DMGDH: variants seen among roughly 807,000 people sequenced by gnomAD.
DMGDH encodes dimethylglycine dehydrogenase, mitochondrial.
Under a neutral mutation model 95.2 loss-of-function variants are expected in DMGDH, and 76 were observed. The ratio of observed to expected loss-of-function variants is 0.80; its 90% CI spans 0.66 to 0.97. The LOEUF (loss-of-function observed/expected upper bound fraction) is 0.97. DMGDH is among the 50% of genes least tolerant of loss of function. The probability of loss-of-function intolerance (pLI) is 0.00; values close to 1 mark genes in which losing one functional copy is unlikely to be tolerated. For missense variants in DMGDH, 987 were observed against 1,055.0 expected (o/e 0.94, Z 0.89); for synonymous variants, 345 against 377.6 (o/e 0.91, Z 1.00).
chr5:79,034,134 G>A (rs924631195), intron 7 of DMGDH, among the ~76,000 whole-genome samples: 3 of 152,116 alleles, frequency 2.0e-5, no homozygotes, highest in African/African-American at 7.2e-5. Context: ...TAGGAAACAC[G>A]GTGGGAGAAA....
At chr5:79,017,306 C>G (rs1469060259) in intron 14 of DMGDH, among the ~76,000 whole-genome samples, 1 of 151,654 alleles carries the variant, frequency 6.6e-6, no homozygotes, top group Non-Finnish European at 1.5e-5. Context: ...ATACAGAAAG[C>G]ACTTTAAAAA....
intron 4 of DMGDH, among the ~76,000 whole-genome samples, 198 bp from the exon 5 acceptor site, chr5:79,051,689 C>T (rs1175315468): frequency 1.3e-5 from 2 of 152,122 alleles, no homozygotes; most frequent in African/African-American, 2.4e-5. Context: ...AGAAATAAAC[C>T]TCTATCTTGT....
In DMGDH at chr5:79,063,658, G is replaced by T. The variant is rs921136174; in HGVS notation, c.231C>A (p.Val77=). The part of the protein sequence containing the change: ...HLAKAGMKDV[V]LLEKSELTAG... Reference sequence around the variant, plus strand: ...CCGTGAGCTCTGATTTCTCCAGCAGGACCACATCTTTCATCCCTGCTTTGG... The same window carrying T: ...CCGTGAGCTCTGATTTCTCCAGCAGTACCACATCTTTCATCCCTGCTTTGG... Residue 77 remains valine (V), a synonymous_variant, in exon 2 of 16, where the codon GTC becomes GTA. Coordinates refer to ENST00000255189, the MANE Select transcript of DMGDH (RefSeq NM_013391.3). The T allele has an allele frequency of 2.5e-6, 4 of 1,614,168 alleles. No individual in the cohort carries two copies. Among genetic ancestry groups the T allele is most frequent in the Non-Finnish European group, 3.4e-6 (4 of 1,180,036 alleles).
In DMGDH at chr5:79,032,766, A is replaced by G; in HGVS notation, c.1438T>C (p.Ser480Pro). ...GCATGGAACCCCATGGAACACTTAG[A>G]CTCCAGCCTTTGATAGAGCCCACTG... ...RVSGLYQRLE[S>P]KCSMGFHAGW... The change falls in exon 9 of 16, where the codon TCT becomes CCT. Residue 480 changes from serine (S) to proline (P), a missense_variant. By Grantham distance (74) the Ser-to-Pro change is moderately conservative. Transcript: ENST00000255189. The G allele has an allele frequency of 6.2e-7, 1 of 1,613,922 alleles. No individual in the cohort carries two copies. Among genetic ancestry groups the G allele is most frequent in the Non-Finnish European group, 8.5e-7 (1 of 1,179,984 alleles).
At position 79,005,334 on chromosome 5, in the gene DMGDH, A is replaced by G. The variant is rs201416183; in HGVS notation, c.2324T>C (p.Leu775Pro). ...ATCAACATCATCCGTTGCCAAGGTG[A>G]GGCAGACCAGTCTTCGTTTCAGCCC... Reference protein sequence around the residue: ...AKGLKRRLVCLTLATDDVDPE... With the variant: ...AKGLKRRLVCPTLATDDVDPE... The change falls in exon 15 of 16, where the codon CTC (leucine) becomes CCC (proline). Residue 775 changes from leucine to proline, a missense_variant. Physicochemically the swap from Leu to Pro is moderately conservative, Grantham distance 98. Transcript: ENST00000255189. 2.5e-5 allele frequency: 41 copies of G among 1,613,652 alleles called. No homozygotes were observed. The highest frequency in any genetic ancestry group is 3.3e-5 in the Non-Finnish European group (39 of 1,179,918).
intron 5 of DMGDH, among the ~76,000 whole-genome samples, chr5:79,049,653 C>T (rs1561225581): frequency 1.3e-5 from 2 of 152,122 alleles, no homozygotes; most frequent in African/African-American, 4.8e-5. Context: ...TATTTCATTG[C>T]CCTAAGTTTT....
intron 14 of DMGDH, among the ~76,000 whole-genome samples, chr5:79,015,474 T>C (rs1225060671): frequency 1.3e-5 from 2 of 152,186 alleles, no homozygotes; most frequent in Non-Finnish European, 1.5e-5. Flanking sequence ...CCAAATTCCT[T>C]AGCTTGGCAC....
chr5:79,069,429 G>C (rs1257279332), intron 1 of DMGDH, 91 bp downstream of exon 1: 7 of 649,358 alleles, frequency 1.1e-5, no homozygotes, highest in African/African-American at 1.9e-5. Context: ...TTGGAGGCCA[G>C]AGCGCTCCTA....
Position 79,042,248 on chromosome 5 carries a change from C to T in DMGDH, c.1193+35G>A, listed in dbSNP as rs139998671. 7.3e-4 allele frequency: 1,158 copies of T among 1,586,200 alleles called. 5 individuals are homozygous for T. Among genetic ancestry groups the T allele is most frequent in the Middle Eastern group, 4.5e-3 (27 of 6,004 alleles). On this transcript the variant is annotated intron_variant, in intron 7 of 15. Coordinates refer to ENST00000255189, the MANE Select transcript of DMGDH (RefSeq NM_013391.3). ...CTAGATTTAGCTAAAATAAGTGATT[C>T]TACAATAAATGTTGAATTACATGAA... is the stretch of plus-strand genomic sequence containing the variant.
chr5:79,006,830 A>G (rs1208306943), intron 14 of DMGDH, among the ~76,000 whole-genome samples: 1 of 141,208 alleles, frequency 7.1e-6, no homozygotes. Flanking sequence ...GGGTCCTCAC[A>G]CACCCTCACC....
intron 15 of DMGDH, among the ~76,000 whole-genome samples, chr5:79,004,786 A>G (rs1275093947): frequency 6.6e-6 from 1 of 152,244 alleles, no homozygotes; most frequent in African/African-American, 2.4e-5. Flanking sequence ...CTGAAGAACC[A>G]AATGGTTTCC....
At chr5:79,000,238 C>T (rs1041433232) in intron 15 of DMGDH, 3 of 631,552 alleles carry the variant, frequency 4.8e-6, no homozygotes, top group East Asian at 4.0e-5. Context: ...TCCATACCAG[C>T]GTGATACCAC....
chr5:79,028,457 T>G lies in DMGDH; in HGVS notation c.2008A>C (p.Thr670Pro). Residue 670 changes from threonine to proline, a missense_variant, in exon 12 of 16, where the codon ACT becomes CCT. Coordinates refer to ENST00000255189, the MANE Select transcript of DMGDH (RefSeq NM_013391.3). ...KSLKVSNIPV[T>P]AIRISYTGEL... ...CCAGTATAAGATATCCTAATAGCAG[T>G]GACAGGAATGTTGGAAACCTTTAAG... 1 of 1,613,824 alleles carries G rather than the reference T, an allele frequency of 6.2e-7. No homozygotes were observed. The highest frequency in any genetic ancestry group is 8.5e-7 in the Non-Finnish European group (1 of 1,179,728).
chr5:79,028,567 G>T lies in DMGDH; in HGVS notation c.1898C>A (p.Ala633Asp). 6.2e-7 allele frequency: 1 copy of T among 1,614,056 alleles called. No individual in the cohort carries two copies. ...AAGGACCTTTCTTGCCTGTGGCCCAGCAACTCCAAGAACTCCAAGCTCATC... is the reference window on the plus strand; with the variant it reads ...AAGGACCTTTCTTGCCTGTGGCCCATCAACTCCAAGAACTCCAAGCTCATC... ...ITDELGVLGVAGPQARKVLQK... is the reference protein window; with the variant it reads ...ITDELGVLGVDGPQARKVLQK... The change falls in exon 12 of 16, where the codon GCT becomes GAT. Residue 633 changes from alanine to aspartate, a missense_variant. By Grantham distance (126) the Ala-to-Asp change is moderately radical. Coordinates refer to ENST00000255189, the MANE Select transcript of DMGDH (RefSeq NM_013391.3).
intron 4 of DMGDH, among the ~76,000 whole-genome samples, chr5:79,052,494 T>A (rs1032383748): frequency 6.6e-6 from 1 of 152,248 alleles, no homozygotes; most frequent in African/African-American, 2.4e-5. Context: ...ATAGGTCTTG[T>A]GCAAGGGACT....
chr5:79,034,088 C>T (rs1364998247), intron 7 of DMGDH, among the ~76,000 whole-genome samples: 2 of 152,150 alleles, frequency 1.3e-5, no homozygotes, highest in Non-Finnish European at 2.9e-5. Context: ...GGCTGGTACC[C>T]TAACAGCCCT....
chr5:79,018,001 A>C (rs1347149124), intron 14 of DMGDH, among the ~76,000 whole-genome samples: 1 of 152,242 alleles, frequency 6.6e-6, no homozygotes, highest in Non-Finnish European at 1.5e-5. Context: ...GTACACAAAC[A>C]AATTGTAGTA....
At chr5:79,024,956 A>T (rs959803079) in intron 13 of DMGDH, among the ~76,000 whole-genome samples, 4 of 152,234 alleles carry the variant, frequency 2.6e-5, no homozygotes, top group African/African-American at 9.6e-5. Context: ...TAAACCCCCT[A>T]CAAGCAGTCA....
At chr5:79,031,949 G>A (rs987388217) in intron 9 of DMGDH, among the ~76,000 whole-genome samples, 1 of 152,192 alleles carries the variant, frequency 6.6e-6, no homozygotes, top group Non-Finnish European at 1.5e-5. Flanking sequence ...CGGGTTCTCT[G>A]CTATACTTTG....
Sources: allele counts gnomAD v4.1 joint callset (sites outside exome capture counted in the v4.1 genomes callset), GRCh38; gene constraint gnomAD v4.1.1; transcripts MANE v1.5; gene names NCBI Gene and HGNC (gene_info 2026-07-23, HGNC 2026-07-21).